GDI2: variants seen among roughly 807,000 people sequenced by gnomAD.
The protein encoded by GDI2 is rab GDP dissociation inhibitor beta.
Under a neutral mutation model 54.2 loss-of-function variants are expected in GDI2, and 22 were observed. The ratio of observed to expected loss-of-function variants is 0.41; its 90% CI spans 0.29 to 0.58. The LOEUF (loss-of-function observed/expected upper bound fraction) is 0.58. GDI2 is among the 20% of genes least tolerant of loss of function. The probability of loss-of-function intolerance (pLI) is 0.35; values close to 1 mark genes in which losing one functional copy is unlikely to be tolerated. For missense variants in GDI2, 422 were observed against 546.0 expected, an observed-to-expected ratio of 0.77 and a Z score of 2.26; for synonymous variants, 177 against 182.1, an observed-to-expected ratio of 0.97 and a Z score of 0.23.
chr10:5,781,541 C>A (rs1447170752), intron 6 of GDI2, among the ~76,000 whole-genome samples: 1 of 147,960 alleles, frequency 6.8e-6, no homozygotes, highest in Non-Finnish European at 1.5e-5. Context: ...AGGAGAATGG[C>A]GTGAACCCAG....
chr10:5,780,887 G>A (rs1290307940), intron 6 of GDI2, among the ~76,000 whole-genome samples: 2 of 152,132 alleles, frequency 1.3e-5, no homozygotes, highest in Non-Finnish European at 2.9e-5. Flanking sequence ...ATGTTTTCTA[G>A]AAATTGACAA....
At chr10:5,806,015 C>T (rs963401479) in intron 1 of GDI2, among the ~76,000 whole-genome samples, 1 of 152,180 alleles carries the variant, frequency 6.6e-6, no homozygotes, top group Non-Finnish European at 1.5e-5. Flanking sequence ...AATGCTCTAT[C>T]AACATTCTCG....
intron 8 of GDI2, among the ~76,000 whole-genome samples, chr10:5,767,518 T>C (rs1328943333): frequency 6.6e-6 from 1 of 152,048 alleles, no homozygotes; most frequent in Non-Finnish European, 1.5e-5. Flanking sequence ...AGAGACGAGC[T>C]CTCACTATGT....
Position 5,800,617 on chromosome 10 carries a change from G to T in GDI2, c.134C>A (p.Ser45Tyr). 6.4e-7 allele frequency: 1 copy of T among 1,556,522 alleles called. No individual in the cohort carries two copies. Among genetic ancestry groups the T allele is most frequent in the Non-Finnish European group, 8.9e-7 (1 of 1,127,282 alleles). Residue 45 changes from serine to tyrosine, a missense_variant, in exon 2 of 11, where the codon TCT (serine) becomes TAT (tyrosine). By Grantham distance (144) the Ser-to-Tyr change is moderately radical. Transcript: ENST00000380191. ...ACTTACATCTTCCAATGGTGTTATA[G>T]ATGCACTCTCTCCTCCGTAGTAAGG... is the stretch of plus-strand genomic sequence containing the variant. Reference protein sequence around the residue: ...RNPYYGGESASITPLEDLYKR... With the variant: ...RNPYYGGESAYITPLEDLYKR...
In GDI2 at chr10:5,776,568, A is replaced by C; in HGVS notation, c.720-2627T>G. On this transcript the variant is annotated intron_variant, in intron 6 of 10. Coordinates refer to ENST00000380191, the MANE Select transcript of GDI2 (RefSeq NM_001494.4). This position sits in a 1 kb window ranked among gnomAD's most constrained non-coding sequence, Gnocchi z 5.3. ...CATGTGGAATTCCTTGTGGCTGAGAATGAAAGATTAAGGAAAGAAAATAAA... is the reference window on the plus strand; with the variant it reads ...CATGTGGAATTCCTTGTGGCTGAGACTGAAAGATTAAGGAAAGAAAATAAA... 1 of 1,565,578 alleles carries C rather than the reference A, an allele frequency of 6.4e-7. No individual in the cohort carries two copies. Among genetic ancestry groups the C allele is most frequent in the Non-Finnish European group, 8.8e-7 (1 of 1,139,256 alleles).
chr10:5,780,287 C>A, intron 6 of GDI2, among the ~76,000 whole-genome samples: 1 of 125,820 alleles, frequency 7.9e-6, no homozygotes, highest in African/African-American at 2.9e-5. Context: ...GTGACAAAAC[C>A]ATCTACAAAA....
chr10:5,780,584 A>C (rs1412001383), intron 6 of GDI2, among the ~76,000 whole-genome samples: 1 of 152,244 alleles, frequency 6.6e-6, no homozygotes, highest in Admixed American at 6.5e-5. Context: ...ATAGGATACA[A>C]CGTCAACATA....
chr10:5,794,232 T>TATATAA (rs1390834892), intron 4 of GDI2, among the ~76,000 whole-genome samples: 11 of 97,404 alleles, frequency 1.1e-4, no homozygotes, highest in African/African-American at 2.4e-4. Flanking sequence ...TATATATATA[T>TATATAA]AAAACTCACC....
Position 5,780,125 on chromosome 10 carries a change from C to T in GDI2, c.719+5017G>A, listed in dbSNP as rs909684553. On this transcript the variant is annotated intron_variant, in intron 6 of 10. Transcript: ENST00000380191. ...TCAAGAGGCTGAGATGGGAAGATCC[C>T]TTTAGCCCAGGAGGCAGAGGTTGCA... Among the ~76,000 whole-genome samples the T allele has an allele frequency of 2.0e-5, 3 of 151,750 alleles. No individual in the cohort carries two copies. In the East Asian group the frequency reaches 5.8e-4, roughly 29 times the overall value.
chr10:5,766,302 GGA>G lies in GDI2; in HGVS notation c.1137-9_1137-8del, dbSNP rs773190999. On this transcript the variant is annotated splice_region_variant and splice_polypyrimidine_tract_variant and intron_variant, in intron 9 of 10. Transcript: ENST00000380191. This position sits in a 1 kb window ranked among gnomAD's most constrained non-coding sequence, Gnocchi z 5.8. The stretch of plus-strand genomic sequence containing the variant: ...GTCACTGATGCTAACAAATCTGGAG[GGA>G]GAGAGAATTCAGTCAGGTGAGCTGG... 7 of 1,610,714 alleles carry G rather than the reference GGA, an allele frequency of 4.3e-6. No individual in the cohort carries two copies. The highest frequency in any genetic ancestry group is 1.3e-5 in the African/African-American group (1 of 74,940).
intron 7 of GDI2, chr10:5,769,033 C>A (rs975345161): frequency 6.6e-6 from 1 of 152,068 alleles, no homozygotes; most frequent in African/African-American, 2.4e-5. Context: ...GTGCCTGTAA[C>A]CCCAGCTACT....
intron 6 of GDI2, among the ~76,000 whole-genome samples, chr10:5,782,012 C>G (rs76677916): frequency 1.3e-5 from 2 of 150,450 alleles, no homozygotes; most frequent in Non-Finnish European, 3.0e-5. Flanking sequence ...GACTCTATCT[C>G]AAAAAAAAAG....
At chr10:5,777,189 T>C (rs565717838) in intron 6 of GDI2, among the ~76,000 whole-genome samples, 11 of 152,274 alleles carry the variant, frequency 7.2e-5, no homozygotes, top group African/African-American at 2.6e-4. Flanking sequence ...GCATAAAAGT[T>C]ATGCCAGGCA....
chr10:5,781,874 G>A (rs962936454), intron 6 of GDI2, among the ~76,000 whole-genome samples: 8 of 151,958 alleles, frequency 5.3e-5, no homozygotes, highest in African/African-American at 7.3e-5. Context: ...TTAGCCAGGC[G>A]TGGTGGCACA....
intron 6 of GDI2, among the ~76,000 whole-genome samples, chr10:5,778,301 T>A (rs1464896764): frequency 6.6e-6 from 1 of 152,218 alleles, no homozygotes; most frequent in Non-Finnish European, 1.5e-5. Flanking sequence ...TATAAAAGTA[T>A]GTTATGCATA....
chr10:5,774,279 CCTT>C lies in GDI2; in HGVS notation c.720-341_720-339del, dbSNP rs1472156401. Among the ~76,000 whole-genome samples the C allele has an allele frequency of 6.6e-6, 1 of 152,160 alleles. No homozygotes were observed. Among genetic ancestry groups the C allele is most frequent in the Non-Finnish European group, 1.5e-5 (1 of 68,040 alleles). On this transcript the variant is annotated intron_variant, in intron 6 of 10. Coordinates refer to ENST00000380191, the MANE Select transcript of GDI2 (RefSeq NM_001494.4). This position sits in a 1 kb window ranked among gnomAD's most constrained non-coding sequence, Gnocchi z 4.8. ...TGCTCTAAAACTTGCCTCAGTCTCT[CCTT>C]CTACCTTATGCCCCTTGGTCATTCT...
At chr10:5,767,790 G>A (rs1840391869) in intron 8 of GDI2, among the ~76,000 whole-genome samples, 1 of 152,236 alleles carries the variant, frequency 6.6e-6, no homozygotes, top group Non-Finnish European at 1.5e-5. Context: ...TTAGAGCCAT[G>A]TCCTGATCAC....
At position 5,766,037 on chromosome 10, in the gene GDI2, C is replaced by G. The variant is rs745961164; in HGVS notation, c.1307G>C (p.Arg436Pro). The G allele has an allele frequency of 6.3e-7, 1 of 1,588,390 alleles. No individual in the cohort carries two copies. Reference protein sequence around the residue: ...GSEFDFEEMKRKKNDIYGED With the variant: ...GSEFDFEEMKPKKNDIYGED Reference sequence around the variant, plus strand: ...TTCCCCATAGATGTCATTCTTCTTGCGCTTCATTTCCTCAAAGTCAAACTC... The same window carrying G: ...TTCCCCATAGATGTCATTCTTCTTGGGCTTCATTTCCTCAAAGTCAAACTC... Residue 436 changes from arginine to proline, a missense_variant, in exon 11 of 11, where the codon CGC (arginine) becomes CCC (proline). Physicochemically the swap from Arg to Pro is moderately radical, Grantham distance 103. Transcript: ENST00000380191. The surrounding 1 kb of genome is among the most constrained non-coding windows in gnomAD (Gnocchi z 5.8).
chr10:5,805,298 G>C (rs968185665), intron 1 of GDI2, among the ~76,000 whole-genome samples: 5 of 149,236 alleles, frequency 3.4e-5, no homozygotes, highest in Admixed American at 1.4e-4. Flanking sequence ...AACACAGACT[G>C]CTAGGCCCCA....
Sources: gnomAD v4.1 joint callset for allele counts (sites outside exome capture counted in the v4.1 genomes callset) on GRCh38, gnomAD v4.1.1 for gene constraint, Gnocchi (gnomAD v3.1) non-coding constraint, MANE v1.5 for transcripts, NCBI Gene and HGNC (gene_info 2026-07-23, HGNC 2026-07-21) for gene names.